Variants in GRAMD2B observed in about 807,000 individuals in gnomAD.
GRAMD2B encodes the protein GRAM domain-containing protein 2B.
In GRAMD2B, 41 loss-of-function variants were observed where a neutral mutation model predicts 59.2. The observed-to-expected ratio is 0.69, with a 90% CI of 0.54 to 0.90. The LOEUF (loss-of-function observed/expected upper bound fraction) is 0.90, where lower values mean the gene tolerates loss of function less well. Among genes scored for constraint, GRAMD2B ranks in the 40% least tolerant of loss-of-function variants. The pLI, the probability that GRAMD2B is intolerant of heterozygous loss-of-function variation, is 0.00. For synonymous variants in GRAMD2B, 161 were observed against 182.7 expected (o/e 0.88, Z 0.96); for missense variants, 424 against 500.5 (o/e 0.85, Z 1.46).
chr5:126,369,600 A>G (rs1754638820), upstream of GRAMD2B, among the ~76,000 whole-genome samples: 1 of 152,160 alleles, frequency 6.6e-6, no homozygotes, highest in African/African-American at 2.4e-5. Context: ...CCCATTTTTT[A>G]AAACTTTTTA....
chr5:126,379,974 C>G (rs556574627), intron 1 of GRAMD2B, among the ~76,000 whole-genome samples: 8 of 152,184 alleles, frequency 5.3e-5, no homozygotes, highest in East Asian at 3.9e-4. Flanking sequence ...AGTCATGAAG[C>G]CTTTGCCTAA....
At chr5:126,477,322 AGG>A (rs1311071717) in intron 5 of GRAMD2B, among the ~76,000 whole-genome samples, 8 of 152,192 alleles carry the variant, frequency 5.3e-5, no homozygotes, top group Non-Finnish European at 7.3e-5. Context: ...AGAGGAGAGT[AGG>A]GCATGTGGAA....
chr5:126,415,009 G>A (rs1759138843), intron 1 of GRAMD2B, among the ~76,000 whole-genome samples: 1 of 152,064 alleles, frequency 6.6e-6, no homozygotes, highest in Admixed American at 6.6e-5. Context: ...ATGCAATCTA[G>A]GGCCCTTTCC....
intron 1 of GRAMD2B, among the ~76,000 whole-genome samples, chr5:126,408,221 G>A (rs1265595124): frequency 6.6e-6 from 1 of 152,008 alleles, no homozygotes; most frequent in African/African-American, 2.4e-5. Flanking sequence ...CTGTTCCTGT[G>A]TTAATTCACT....
chr5:126,464,437 T>C (rs2126775307), intron 1 of GRAMD2B, among the ~76,000 whole-genome samples: 1 of 152,298 alleles, frequency 6.6e-6, no homozygotes. Context: ...TCCCTTCCTT[T>C]CCCACTTTCC....
At chr5:126,417,983 T>C (rs921020146) in intron 1 of GRAMD2B, among the ~76,000 whole-genome samples, 2 of 152,204 alleles carry the variant, frequency 1.3e-5, no homozygotes, top group Non-Finnish European at 2.9e-5. Context: ...TATTTTTAAA[T>C]TGTGTTCAGT....
At chr5:126,431,804 G>A (rs1761610729) in intron 1 of GRAMD2B, among the ~76,000 whole-genome samples, 1 of 152,174 alleles carries the variant, frequency 6.6e-6, no homozygotes, top group African/African-American at 2.4e-5. Context: ...CCATTAACCT[G>A]CATAATATTC....
At position 126,486,985 on chromosome 5, in the gene GRAMD2B, G is replaced by A. The variant is rs775670020; in HGVS notation, c.1163+8G>A. 1.6e-5 allele frequency: 24 copies of A among 1,462,148 alleles called. No individual in the cohort carries two copies. The Admixed American group carries it at 3.2e-4, about 19-fold the overall frequency. 90.6% of individuals were successfully genotyped at this position (1,462,148 alleles called of 1,614,324 possible). A position where few individuals can be genotyped will look rare whatever the true frequency, so the allele number is the denominator to read the frequency against. On this transcript the variant is annotated splice_region_variant and intron_variant, in intron 12 of 13. Transcript: ENST00000285689. Reference sequence around the variant, plus strand: ...GGACACCCATAATACTGAGTAAGACGATTGCCTCTAGCTGTCATCTGCTTG... The same window carrying A: ...GGACACCCATAATACTGAGTAAGACAATTGCCTCTAGCTGTCATCTGCTTG...
rs891022692 is a variant in GRAMD2B, at chr5:126,466,356, G to A, written c.203+811G>A. On this transcript the variant is annotated intron_variant, in intron 2 of 13. Coordinates refer to ENST00000285689, the MANE Select transcript of GRAMD2B (RefSeq NM_023927.4). ...CCAAGAGTAAGTCTTAACTCCTCCCGAAATTTTCCTCTTCTGACTCTAATT... is the reference window on the plus strand; with the variant it reads ...CCAAGAGTAAGTCTTAACTCCTCCCAAAATTTTCCTCTTCTGACTCTAATT... 1.6e-5 allele frequency: 17 copies of A among 1,047,938 alleles called. No individual in the cohort carries two copies. The African/African-American group carries it at 1.7e-4, about 11-fold the overall frequency. The allele number at this position is 1,047,938 out of a possible 1,614,324, so 64.9% of individuals were successfully genotyped here.
At chr5:126,434,156 A>G (rs557497786) in intron 1 of GRAMD2B, among the ~76,000 whole-genome samples, 1 of 152,328 alleles carries the variant, frequency 6.6e-6, no homozygotes, top group East Asian at 1.9e-4. Context: ...TATACATCCA[A>G]TTCAACATTT....
intron 1 of GRAMD2B, among the ~76,000 whole-genome samples, chr5:126,415,890 A>AGT (rs749566130): frequency 6.6e-6 from 1 of 152,224 alleles, no homozygotes. Context: ...AGTGATAGAA[A>AGT]ATATGTAATA....
chr5:126,371,606 C>T (rs1409085720), intron 1 of GRAMD2B: 2 of 1,254,274 alleles, frequency 1.6e-6, no homozygotes, highest in South Asian at 1.3e-5. Flanking sequence ...CGTCTGTCCC[C>T]CTGGTGGCCT....
intron 1 of GRAMD2B, among the ~76,000 whole-genome samples, chr5:126,361,435 T>C (rs1754216565): frequency 6.6e-6 from 1 of 151,030 alleles, no homozygotes; most frequent in African/African-American, 2.4e-5. Flanking sequence ...CTGAATGTGT[T>C]GACTAGGAAA....
intron 1 of GRAMD2B, among the ~76,000 whole-genome samples, chr5:126,437,327 G>A (rs991381844): frequency 3.3e-5 from 5 of 152,178 alleles, no homozygotes; most frequent in Non-Finnish European, 7.4e-5. Flanking sequence ...TTGACAGAGC[G>A]AGAAAGCCAG....
chr5:126,452,903 T>C (rs1765621177), intron 1 of GRAMD2B, among the ~76,000 whole-genome samples: 1 of 152,212 alleles, frequency 6.6e-6, no homozygotes, highest in Non-Finnish European at 1.5e-5. Flanking sequence ...CCCTATTCTT[T>C]TGCATTTCTA....
At position 126,457,171 on chromosome 5, in the gene GRAMD2B, G is replaced by A. The variant is rs188602531; in HGVS notation, c.84-8255G>A. On this transcript the variant is annotated intron_variant, in intron 1 of 13. Coordinates refer to ENST00000285689, the MANE Select transcript of GRAMD2B (RefSeq NM_023927.4). ...CGCGCCACTGCACTCCAGCAGAGGC[G>A]ACAGTGCGAGACTCCGTCTCAAAAA... Among the ~76,000 whole-genome samples the A allele has an allele frequency of 3.5e-3, 387 of 111,026 alleles. 1 individual carries two copies. The highest frequency in any genetic ancestry group is 0.013 in the African/African-American group (360 of 27,852). 72.8% of individuals were successfully genotyped at this position (111,026 alleles called of 152,430 possible). A position where few individuals can be genotyped will look rare whatever the true frequency, so the allele number is the denominator to read the frequency against.
intron 3 of GRAMD2B, among the ~76,000 whole-genome samples, chr5:126,471,953 C>G: frequency 6.6e-6 from 1 of 152,204 alleles, no homozygotes; most frequent in East Asian, 1.9e-4. Flanking sequence ...CATCCCATTT[C>G]TCATCAGGGA....
intron 10 of GRAMD2B, among the ~76,000 whole-genome samples, chr5:126,484,787 T>C (rs1171986911): frequency 6.6e-6 from 1 of 152,078 alleles, no homozygotes; most frequent in Non-Finnish European, 1.5e-5. Context: ...TTTCACCATT[T>C]TGGTCAGGCT....
intron 8 of GRAMD2B, among the ~76,000 whole-genome samples, chr5:126,481,406 C>A (rs534222347): frequency 6.6e-6 from 1 of 152,084 alleles, no homozygotes; most frequent in Non-Finnish European, 1.5e-5. Flanking sequence ...CAAGAGAGTT[C>A]CAACCATACC....
Sources: allele counts gnomAD v4.1 joint callset (sites outside exome capture counted in the v4.1 genomes callset), GRCh38; gene constraint gnomAD v4.1.1; transcripts MANE v1.5; gene names NCBI Gene and HGNC (gene_info 2026-07-23, HGNC 2026-07-21).